RSPH10B: variants seen among roughly 807,000 people sequenced by gnomAD.
RSPH10B encodes the protein radial spoke head 10 homolog B.
RSPH10B carries 7 observed loss-of-function variants against 52.5 expected under a neutral mutation model. The observed-to-expected ratio is 0.13, with a 90% confidence interval of 0.08 to 0.25. The LOEUF is 0.25. Ranked by LOEUF, RSPH10B falls within the 10% of genes least tolerant of loss-of-function variation. RSPH10B has a pLI of 1.00. For synonymous variants in RSPH10B, 28 were observed against 193.2 expected, an observed-to-expected ratio of 0.14 and a Z score of 7.09; for missense variants, 89 against 542.5, an observed-to-expected ratio of 0.16 and a Z score of 8.30.
At chr7:5,970,706 C>A (rs1198461681), upstream of RSPH10B, 7 of 126,122 alleles carry the variant, frequency 5.6e-5, no homozygotes, top group Non-Finnish European at 1.0e-4. Context: ...GGTCTCCAGG[C>A]AACCGCGGAC....
chr7:5,943,579 T>A, intron 12 of RSPH10B, 107 bp from the exon 15 acceptor site: 3 of 902,440 alleles, frequency 3.3e-6, no homozygotes, highest in Non-Finnish European at 3.4e-6. Flanking sequence ...AGAGTCTTGA[T>A]GTCACCCAGG....
chr7:5,929,246 C>T (rs1779691997), intron 17 of RSPH10B, among the ~76,000 whole-genome samples: 2 of 144,214 alleles, frequency 1.4e-5, no homozygotes. Context: ...GTGGTACCAT[C>T]ATGGCTCACT....
chr7:5,927,829 G>A lies in RSPH10B; in HGVS notation c.2432+367C>T, dbSNP rs1363728981. Among the ~76,000 whole-genome samples the A allele has an allele frequency of 1.4e-5, 2 of 146,168 alleles. 1 individual carries two copies. The highest frequency in any genetic ancestry group is 3.0e-5 in the Non-Finnish European group (2 of 66,284). ...TGCATGCTTCTAATCCCAGCTGCTC[G>A]GGAGGCTGAGGCAAGAGAATCGCTT... On this transcript the variant is annotated intron_variant, in intron 18 of 18. Coordinates refer to ENST00000337579, the Ensembl canonical transcript of RSPH10B.
intron 13 of RSPH10B, among the ~76,000 whole-genome samples, chr7:5,939,584 AAACACAC>A: frequency 1.9e-5 from 1 of 51,322 alleles, no homozygotes; most frequent in Admixed American, 1.9e-4. Context: ...AACCTGTCTC[AAACACAC>A]ACACACACAC....
At chr7:5,938,399 C>G (rs113181472) in intron 14 of RSPH10B, among the ~76,000 whole-genome samples, 18,537 of 119,352 alleles carry the variant, frequency 0.16, 1,493 homozygotes, top group Admixed American at 0.25. Flanking sequence ...AACTCCGTCT[C>G]TACTAAAAAA....
intron 17 of RSPH10B, among the ~76,000 whole-genome samples, chr7:5,931,061 G>A (rs984457239): frequency 4.3e-5 from 5 of 116,306 alleles, no homozygotes; most frequent in African/African-American, 1.6e-4. Flanking sequence ...AGCCTCCCAA[G>A]TAGCTGGGAC....
At chr7:5,942,686 C>A (rs1256058452) in intron 13 of RSPH10B, among the ~76,000 whole-genome samples, 7 of 149,978 alleles carry the variant, frequency 4.7e-5, no homozygotes, top group African/African-American at 1.5e-4. Context: ...ACATGGTGAA[C>A]ACCCGTCTCT....
chr7:5,927,022 CGT>C (rs373901374), intron 18 of RSPH10B, among the ~76,000 whole-genome samples: 5,892 of 90,838 alleles, frequency 0.065, 21 homozygotes, highest in East Asian at 0.11. Flanking sequence ...CCCAAAGTTA[CGT>C]GTGTGTGTGT....
chr7:5,931,357 G>A (rs1158398199), intron 17 of RSPH10B, among the ~76,000 whole-genome samples: 2 of 151,482 alleles, frequency 1.3e-5, no homozygotes, highest in African/African-American at 2.4e-5. Context: ...AGGCCTTTGA[G>A]AGGACAAGGG....
intron 10 of RSPH10B, among the ~76,000 whole-genome samples, chr7:5,945,618 C>CA (rs1448600462): frequency 0.21 from 5,759 of 27,004 alleles, 130 homozygotes; most frequent in Non-Finnish European, 0.26. Flanking sequence ...GACTTCATCT[C>CA]AAAAAAAAAA....
At chr7:5,968,655 C>A (rs1322818238), upstream of RSPH10B, among the ~76,000 whole-genome samples, 1 of 66,912 alleles carries the variant, frequency 1.5e-5, no homozygotes, top group Non-Finnish European at 3.3e-5. Context: ...TACAGGCGCC[C>A]ACCACCACAC....
intron 17 of RSPH10B, among the ~76,000 whole-genome samples, chr7:5,932,435 C>T: frequency 1.8e-5 from 2 of 109,084 alleles, no homozygotes; most frequent in African/African-American, 6.9e-5. Flanking sequence ...CCCAGCTGTC[C>T]CATACTGGCA....
At chr7:5,931,418 G>A (rs1347964504) in intron 17 of RSPH10B, among the ~76,000 whole-genome samples, 1 of 151,476 alleles carries the variant, frequency 6.6e-6, no homozygotes, top group East Asian at 1.9e-4. Flanking sequence ...GCCGGCCATA[G>A]AGAGACACCG....
At chr7:5,933,718 G>A (rs1299322965) in intron 16 of RSPH10B, among the ~76,000 whole-genome samples, 2 of 134,574 alleles carry the variant, frequency 1.5e-5, no homozygotes, top group Admixed American at 1.5e-4. Context: ...CGAGATCCAA[G>A]ATCGCACCAC....
rs1583247592 is a variant in RSPH10B, at chr7:5,960,933, G to A, written c.400-69C>T. On this transcript the variant is annotated intron_variant, in intron 3 of 18. Coordinates refer to ENST00000337579, the Ensembl canonical transcript of RSPH10B. ...GGTGGGGGCGGGAATCCCTAGTCCTGCGGGCGGTTCCAGGAGCTGCTTGAC... is the reference window on the plus strand; with the variant it reads ...GGTGGGGGCGGGAATCCCTAGTCCTACGGGCGGTTCCAGGAGCTGCTTGAC... 2.3e-6 allele frequency: 2 copies of A among 870,888 alleles called. 1 individual carries two copies. 53.9% of individuals were successfully genotyped at this position (870,888 alleles called of 1,614,324 possible). A position where few individuals can be genotyped will look rare whatever the true frequency, so the allele number is the denominator to read the frequency against.
At chr7:5,942,880 AATAT>A (rs1280818437) in intron 13 of RSPH10B, among the ~76,000 whole-genome samples, 1 of 140,498 alleles carries the variant, frequency 7.1e-6, no homozygotes, top group Non-Finnish European at 1.5e-5. Context: ...TAAAATTAAA[AATAT>A]ATATATATTT....
Position 5,943,249 on chromosome 7 carries a change from G to A in RSPH10B, c.1758+75C>T, listed in dbSNP as rs149317527. On this transcript the variant is annotated intron_variant, in intron 13 of 18. Coordinates refer to ENST00000337579, the Ensembl canonical transcript of RSPH10B. ...ACCTGATTATTTGCATATCACAGCT[G>A]GAATATCCTGCCTTTCTTTAATTAA... 2.1e-4 allele frequency: 329 copies of A among 1,558,336 alleles called. 3 individuals carry two copies. The African/African-American group carries it at 4.0e-3, about 19-fold the overall frequency.
intron 3 of RSPH10B, 33 bp from the exon 6 acceptor site, chr7:5,960,897 A>C: frequency 9.4e-7 from 1 of 1,063,802 alleles, no homozygotes; most frequent in African/African-American, 3.2e-5. Context: ...TGACAGAAGG[A>C]AGTGTTGGGG....
chr7:5,944,934 G>A, intron 11 of RSPH10B, 130 bp downstream of exon 13: 1 of 631,948 alleles, frequency 1.6e-6, no homozygotes, highest in Non-Finnish European at 2.8e-6. Flanking sequence ...CTGCACTCCA[G>A]CCTGGGCGAC....
Sources: allele counts gnomAD v4.1 joint callset (sites outside exome capture counted in the v4.1 genomes callset), GRCh38; gene constraint gnomAD v4.1.1; transcripts MANE v1.5; gene names NCBI Gene and HGNC (gene_info 2026-07-23, HGNC 2026-07-21).